TMEM176B: variants seen among roughly 807,000 people sequenced by gnomAD.
TMEM176B encodes transmembrane protein 176B, also known as LR8-like protein.
TMEM176B carries 28 observed loss-of-function variants against 30.3 expected under a neutral mutation model. The observed-to-expected ratio is 0.92, with a 90% CI of 0.68 to 1.27. The LOEUF is 1.27. TMEM176B is among the 50% of genes most tolerant of loss of function. The pLI is 0.00. For missense variants in TMEM176B, 349 were observed against 327.4 expected, an observed-to-expected ratio of 1.07 and a Z score of -0.51; for synonymous variants, 123 against 130.3, an observed-to-expected ratio of 0.94 and a Z score of 0.38.
chr7:150,798,439 C>A (rs1443476730), intron 1 of TMEM176B, among the ~76,000 whole-genome samples: 1 of 152,140 alleles, frequency 6.6e-6, no homozygotes, highest in Non-Finnish European at 1.5e-5. Context: ...TCAAGCCCAG[C>A]TAATTTTTTG....
At chr7:150,791,983 C>T in intron 6 of TMEM176B, 73 bp downstream of exon 6, 4 of 1,599,836 alleles carry the variant, frequency 2.5e-6, no homozygotes, top group Non-Finnish European at 3.4e-6. Flanking sequence ...GCCCCTGGCC[C>T]CGCACTCCTA....
chr7:150,796,214 T>C, intron 2 of TMEM176B, 152 bp downstream of exon 2: 1 of 662,088 alleles, frequency 1.5e-6, no homozygotes, highest in South Asian at 1.9e-5. Context: ...TCTAAAGACA[T>C]ACTGGAGACC....
intron 1 of TMEM176B, chr7:150,799,939 T>C (rs1177645737): frequency 6.6e-6 from 1 of 152,306 alleles, no homozygotes; most frequent in Non-Finnish European, 1.5e-5. Context: ...CTTTCCTCTG[T>C]CCAGCTCTTC....
At chr7:150,794,153 A>G (rs1195651584) in intron 2 of TMEM176B, 82 bp from the exon 3 acceptor site, 35 of 1,038,048 alleles carry the variant, frequency 3.4e-5, no homozygotes, top group Non-Finnish European at 4.9e-5. Flanking sequence ...CCTGGCTCCT[A>G]CCTAGGTGGC....
intron 1 of TMEM176B, among the ~76,000 whole-genome samples, chr7:150,797,245 C>G (rs1039263613): frequency 6.6e-6 from 1 of 152,140 alleles, no homozygotes; most frequent in Non-Finnish European, 1.5e-5. Context: ...CCCCCTTTTC[C>G]CACAAATAGC....
intron 2 of TMEM176B, among the ~76,000 whole-genome samples, chr7:150,796,153 G>A (rs1465289313): frequency 6.6e-6 from 1 of 152,084 alleles, no homozygotes; most frequent in African/African-American, 2.4e-5. Flanking sequence ...CTTTCATGAA[G>A]GGCAATATGT....
chr7:150,794,352 T>TCC (rs550474146), intron 2 of TMEM176B, among the ~76,000 whole-genome samples: 3 of 149,448 alleles, frequency 2.0e-5, no homozygotes, highest in African/African-American at 7.4e-5. Context: ...TTCCCACTTT[T>TCC]CCCCCCCCAT....
intron 2 of TMEM176B, among the ~76,000 whole-genome samples, chr7:150,794,907 CCACACACACACACACA>C (rs3220239): frequency 2.1e-5 from 3 of 141,594 alleles, no homozygotes; most frequent in Non-Finnish European, 3.1e-5. Context: ...TCCCCTACTA[CCACACACACACACACA>C]CACACACACA....
intron 1 of TMEM176B, among the ~76,000 whole-genome samples, chr7:150,799,794 G>A (rs1314745747): frequency 6.6e-6 from 1 of 151,116 alleles, no homozygotes; most frequent in Non-Finnish European, 1.5e-5. Flanking sequence ...CGCTTCCCCC[G>A]CCCCACGCCA....
At chr7:150,796,313 G>T in intron 2 of TMEM176B, 53 bp downstream of exon 2, 1 of 1,527,766 alleles carries the variant, frequency 6.5e-7, no homozygotes, top group Non-Finnish European at 9.0e-7. Flanking sequence ...TATTTTAATT[G>T]ACCTCATCAC....
intron 1 of TMEM176B, 32 bp from the exon 2 acceptor site, chr7:150,796,606 C>G: frequency 6.2e-7 from 1 of 1,607,664 alleles, no homozygotes. Flanking sequence ...GCAGTGAGGT[C>G]TGGGAACTAG....
chr7:150,792,620 A>C (rs570794180), intron 5 of TMEM176B, among the ~76,000 whole-genome samples: 1 of 152,158 alleles, frequency 6.6e-6, no homozygotes, highest in African/African-American at 2.4e-5. Context: ...CGGACCATGC[A>C]ACTACATCAT....
chr7:150,796,389 C>T lies in TMEM176B; in HGVS notation c.181G>A (p.Gly61Ser). Residue 61 changes from glycine (G) to serine (S), a missense_variant, in exon 2 of 7, where the codon GGT becomes AGT. By Grantham distance (56) the Gly-to-Ser change is moderately conservative. Transcript: ENST00000326442. ...GDTVPSTARI[G>S]YEQLALGVTQ... is the part of the protein sequence containing the mutation. ...ACCCCTAGAGCCAGCTGCTCATAAC[C>T]AATCCTGGCTGTGGAAGGCACAGTG... 6.2e-7 allele frequency: 1 copy of T among 1,614,200 alleles called. No homozygotes were observed. The highest frequency in any genetic ancestry group is 1.1e-5 in the South Asian group (1 of 91,076).
intron 5 of TMEM176B, among the ~76,000 whole-genome samples, chr7:150,792,498 A>T (rs1394829756): frequency 1.3e-5 from 2 of 152,206 alleles, no homozygotes; most frequent in African/African-American, 4.8e-5. Context: ...CTGTCTCCTG[A>T]AATGCTTGCA....
intron 2 of TMEM176B, among the ~76,000 whole-genome samples, chr7:150,796,017 A>G (rs1585278586): frequency 6.6e-6 from 1 of 152,126 alleles, no homozygotes; most frequent in East Asian, 1.9e-4. Flanking sequence ...CAGGCTGCTG[A>G]AGCTGCCTGC....
intron 6 of TMEM176B, among the ~76,000 whole-genome samples, 161 bp from the exon 7 acceptor site, chr7:150,791,784 G>A (rs1798320257): frequency 6.6e-6 from 1 of 151,784 alleles, no homozygotes; most frequent in Non-Finnish European, 1.5e-5. Context: ...AGGAAGGGGA[G>A]TCAGACGAAC....
intron 1 of TMEM176B, among the ~76,000 whole-genome samples, chr7:150,799,159 T>A (rs1015864397): frequency 6.6e-6 from 1 of 152,262 alleles, no homozygotes; most frequent in African/African-American, 2.4e-5. Flanking sequence ...TCTGTTGCTG[T>A]CATTCAGATG....
upstream of TMEM176B, chr7:150,800,829 G>A (rs1798753909): frequency 2.6e-6 from 2 of 760,922 alleles, no homozygotes; most frequent in Non-Finnish European, 3.2e-6. Flanking sequence ...AGGAGCGCAG[G>A]TGAGGCGGCA....
intron 6 of TMEM176B, among the ~76,000 whole-genome samples, 170 bp downstream of exon 6, chr7:150,791,886 G>C (rs1270730110): frequency 1.3e-5 from 2 of 152,072 alleles, no homozygotes; most frequent in East Asian, 3.9e-4. Context: ...CAGGACCATG[G>C]TGATGGCCAC....
Sources: gnomAD v4.1 joint callset for allele counts (sites outside exome capture counted in the v4.1 genomes callset) on GRCh38, gnomAD v4.1.1 for gene constraint, MANE v1.5 for transcripts, NCBI Gene and HGNC (gene_info 2026-07-23, HGNC 2026-07-21) for gene names.